DPYSL3: variants seen among roughly 807,000 people sequenced by gnomAD.
DPYSL3 encodes the protein dihydropyrimidinase-related protein 3.
DPYSL3 carries 16 observed loss-of-function variants against 66.1 expected under a neutral mutation model. That is an observed-to-expected ratio of 0.24 (90% CI 0.16 to 0.37). The LOEUF is 0.37. DPYSL3 is among the 10% of genes least tolerant of loss of function. DPYSL3 has a pLI of 1.00. For missense variants in DPYSL3, 738 were observed against 916.2 expected, an observed-to-expected ratio of 0.81 and a Z score of 2.51; for synonymous variants, 338 against 345.1, an observed-to-expected ratio of 0.98 and a Z score of 0.23.
intron 1 of DPYSL3, among the ~76,000 whole-genome samples, chr5:147,500,819 A>C (rs567360260): frequency 6.6e-6 from 1 of 152,336 alleles, no homozygotes; most frequent in Non-Finnish European, 1.5e-5. Flanking sequence ...GACAACATCA[A>C]ATGCTGGTGA....
intron 1 of DPYSL3, among the ~76,000 whole-genome samples, chr5:147,476,799 A>G (rs1753161727): frequency 6.6e-6 from 1 of 152,170 alleles, no homozygotes; most frequent in Non-Finnish European, 1.5e-5. Flanking sequence ...CATTTATTTT[A>G]TTTTATTTTA....
chr5:147,423,407 G>T (rs1483159399), intron 2 of DPYSL3, among the ~76,000 whole-genome samples: 2 of 152,116 alleles, frequency 1.3e-5, no homozygotes, highest in African/African-American at 4.8e-5. Flanking sequence ...CACTCTATGT[G>T]CTGCTTTCTC....
intron 1 of DPYSL3, among the ~76,000 whole-genome samples, chr5:147,470,340 T>C (rs768857705): frequency 2.0e-5 from 3 of 152,122 alleles, no homozygotes; most frequent in Non-Finnish European, 4.4e-5. Context: ...TTCCGGAAAC[T>C]TCTCTTTACC....
At chr5:147,426,575 G>T (rs890107361) in intron 1 of DPYSL3, among the ~76,000 whole-genome samples, 1 of 152,112 alleles carries the variant, frequency 6.6e-6, no homozygotes, top group Admixed American at 6.6e-5. Flanking sequence ...TGATTAAGGG[G>T]TCAAGGGCAG....
Position 147,415,961 on chromosome 5 carries a change from A to AC in DPYSL3, c.656-89dup, listed in dbSNP as rs1164071242. On this transcript the variant is annotated intron_variant, in intron 3 of 13. Coordinates refer to ENST00000343218, the MANE Select transcript of DPYSL3 (RefSeq NM_001197294.2). Reference sequence around the variant, plus strand: ...GCCTGCTCCTGCTTGCTTAGCTGTGACTGCAGAATCTCTATTTCCTGAGCA... The same window carrying AC: ...GCCTGCTCCTGCTTGCTTAGCTGTGACCTGCAGAATCTCTATTTCCTGAGCA... 10 of 1,413,956 alleles carry AC rather than the reference A, an allele frequency of 7.1e-6. No individual in the cohort carries two copies. The East Asian group carries it at 2.3e-4, about 33-fold the overall frequency. The allele number at this position is 1,413,956 out of a possible 1,614,324, so 87.6% of individuals were successfully genotyped here.
intron 1 of DPYSL3, among the ~76,000 whole-genome samples, chr5:147,437,058 G>C (rs1358800235): frequency 6.6e-6 from 1 of 152,152 alleles, no homozygotes; most frequent in African/African-American, 2.4e-5. Flanking sequence ...AAAGAAGGGT[G>C]GAAAGATCCC....
chr5:147,392,312 G>C lies in DPYSL3; in HGVS notation c.*1723C>G, dbSNP rs554858336. 5.3e-5 allele frequency: 8 copies of C among 152,310 alleles called. No homozygotes were observed. The highest frequency in any genetic ancestry group is 1.7e-4 in the African/African-American group (7 of 41,566). 9.4% of individuals were successfully genotyped at this position (152,310 alleles called of 1,614,324 possible). A position where few individuals can be genotyped will look rare whatever the true frequency, so the allele number is the denominator to read the frequency against. Reference sequence around the variant, plus strand: ...TTTTTCATGATTTGAACAGAAGGTAGCTTGCTAGGGGAAATCCTGTTCCTT... The same window carrying C: ...TTTTTCATGATTTGAACAGAAGGTACCTTGCTAGGGGAAATCCTGTTCCTT... On this transcript the variant is annotated 3_prime_UTR_variant, in exon 14 of 14. Transcript: ENST00000343218.
At chr5:147,428,419 C>T (rs1752240523) in intron 1 of DPYSL3, among the ~76,000 whole-genome samples, 1 of 152,060 alleles carries the variant, frequency 6.6e-6, no homozygotes, top group South Asian at 2.1e-4. Flanking sequence ...AAATGGCGGC[C>T]TAGGCAAATC....
intron 4 of DPYSL3, 136 bp downstream of exon 4, chr5:147,415,573 T>C (rs552149931): frequency 9.7e-7 from 1 of 1,036,224 alleles, no homozygotes; most frequent in African/African-American, 1.6e-5. Flanking sequence ...GAACATTGTG[T>C]TATCCCTACA....
intron 1 of DPYSL3, among the ~76,000 whole-genome samples, chr5:147,491,368 A>G (rs1269849834): frequency 6.6e-6 from 1 of 152,206 alleles, no homozygotes; most frequent in Non-Finnish European, 1.5e-5. Flanking sequence ...TACTCAGTAC[A>G]TGGATCCACC....
chr5:147,505,580 C>T (rs964403511), intron 1 of DPYSL3, among the ~76,000 whole-genome samples: 1 of 152,224 alleles, frequency 6.6e-6, no homozygotes, highest in Non-Finnish European at 1.5e-5. Flanking sequence ...GTTATTTAAC[C>T]TCATTACAAT....
chr5:147,416,858 T>C (rs1253116851), intron 3 of DPYSL3, among the ~76,000 whole-genome samples: 3 of 152,212 alleles, frequency 2.0e-5, no homozygotes, highest in African/African-American at 7.2e-5. Context: ...ATAAATGCTT[T>C]ATAAAATGGA....
At position 147,483,329 on chromosome 5, in the gene DPYSL3, C is replaced by T. The variant is rs189851525; in HGVS notation, c.381+26149G>A. Among the ~76,000 whole-genome samples the T allele has an allele frequency of 1.1e-3, 165 of 152,248 alleles. 2 individuals carry two copies. Among genetic ancestry groups the T allele is most frequent in the Non-Finnish European group, 3.7e-4 (25 of 68,014 alleles). ...CAGTAGCAAGACACTAACAGGAAGC[C>T]AGGTGCTTTGAATTGCCTGGCCAGA... On this transcript the variant is annotated intron_variant, in intron 1 of 13. Coordinates refer to ENST00000343218, the MANE Select transcript of DPYSL3 (RefSeq NM_001197294.2).
chr5:147,442,223 G>T (rs768382690), intron 1 of DPYSL3, among the ~76,000 whole-genome samples: 2 of 152,230 alleles, frequency 1.3e-5, no homozygotes, highest in Non-Finnish European at 2.9e-5. Context: ...CAAGCTTATA[G>T]GTTGAGCCAG....
intron 1 of DPYSL3, among the ~76,000 whole-genome samples, chr5:147,450,280 T>C (rs1180811873): frequency 1.3e-5 from 2 of 152,118 alleles, no homozygotes; most frequent in Admixed American, 6.5e-5. Context: ...ATGTAAGGCA[T>C]AAAAAAACAT....
At position 147,415,763 on chromosome 5, in the gene DPYSL3, T is replaced by A; in HGVS notation, c.766A>T (p.Thr256Ser). The change falls in exon 4 of 14, where the codon ACC (threonine) becomes TCC (serine). Residue 256 changes from threonine (T) to serine (S), a missense_variant. Physicochemically the swap from Thr to Ser is moderately conservative, Grantham distance 58. Coordinates refer to ENST00000343218, the MANE Select transcript of DPYSL3 (RefSeq NM_001197294.2). ...CCDYALHVDI[T>S]HWNDSVKQEV... ...TGCTTGACGCTGTCATTCCAGTGGG[T>A]GATGTCCACATGCAGGGCATAGTCA... 6.2e-7 allele frequency: 1 copy of A among 1,614,050 alleles called. No homozygotes were observed. Among genetic ancestry groups the A allele is most frequent in the East Asian group, 2.2e-5 (1 of 44,848 alleles).
chr5:147,401,763 T>A (rs1758187665), intron 8 of DPYSL3, 67 bp from the exon 9 acceptor site: 1 of 1,580,138 alleles, frequency 6.3e-7, no homozygotes, highest in African/African-American at 1.4e-5. Flanking sequence ...CAAGCCTATT[T>A]AATTTAGCTC....
intron 1 of DPYSL3, among the ~76,000 whole-genome samples, chr5:147,508,029 A>G (rs1753705087): frequency 6.6e-6 from 1 of 152,232 alleles, no homozygotes; most frequent in Non-Finnish European, 1.5e-5. Context: ...ACCTTTCTAT[A>G]GGGTTCTTCT....
chr5:147,483,438 C>G (rs1267598364), intron 1 of DPYSL3, among the ~76,000 whole-genome samples: 1 of 152,200 alleles, frequency 6.6e-6, no homozygotes, highest in African/African-American at 2.4e-5. Flanking sequence ...GTGTAATCAG[C>G]TGATTGACGT....
Sources: gnomAD v4.1 joint callset for allele counts (sites outside exome capture counted in the v4.1 genomes callset) on GRCh38, gnomAD v4.1.1 for gene constraint, MANE v1.5 for transcripts, NCBI Gene and HGNC (gene_info 2026-07-23, HGNC 2026-07-21) for gene names.